Variants in CLASP1 observed in about 807,000 individuals in gnomAD.
CLASP1 encodes cytoplasmic linker associated protein 1.
A neutral mutation model predicts 192.3 loss-of-function variants in CLASP1; 38 were observed. The ratio of observed to expected loss-of-function variants is 0.20; its 90% CI spans 0.15 to 0.26. The LOEUF (loss-of-function observed/expected upper bound fraction) is 0.26. Among genes scored for constraint, CLASP1 ranks in the 10% least tolerant of loss-of-function variants. The pLI is 1.00. For missense variants in CLASP1, 1,433 were observed against 1,932.5 expected, an observed-to-expected ratio of 0.74 and a Z score of 4.85; for synonymous variants, 691 against 712.8, an observed-to-expected ratio of 0.97 and a Z score of 0.49.
chr2:121,406,099 A>G (rs1309811525), intron 25 of CLASP1, among the ~76,000 whole-genome samples: 2 of 152,224 alleles, frequency 1.3e-5, no homozygotes, highest in Admixed American at 1.3e-4. Context: ...CATCTCTGTA[A>G]TTGAGTCATC....
At chr2:121,470,935 G>C (rs557085501) in intron 8 of CLASP1, among the ~76,000 whole-genome samples, 2 of 151,688 alleles carry the variant, frequency 1.3e-5, no homozygotes, top group East Asian at 3.9e-4. Flanking sequence ...CATTTTTTTC[G>C]TAAGTTCATT....
chr2:121,343,600 G>A (rs2149091831), intron 39 of CLASP1, among the ~76,000 whole-genome samples: 1 of 152,328 alleles, frequency 6.6e-6, no homozygotes, highest in South Asian at 2.1e-4. Context: ...ACTTATATGA[G>A]ACACCTGGGG....
intron 7 of CLASP1, among the ~76,000 whole-genome samples, chr2:121,504,388 T>C (rs546472208): frequency 1.6e-4 from 25 of 152,326 alleles, no homozygotes; most frequent in South Asian, 1.4e-3. Context: ...TCATTTCAAA[T>C]ATGTTTGCCT....
intron 21 of CLASP1, 125 bp downstream of exon 21, chr2:121,427,279 A>G: frequency 8.2e-7 from 1 of 1,225,088 alleles, no homozygotes; most frequent in Non-Finnish European, 1.1e-6. Flanking sequence ...AACACAAAGA[A>G]AAACGCAGAA....
intron 8 of CLASP1, among the ~76,000 whole-genome samples, chr2:121,492,985 T>C (rs981665122): frequency 6.6e-6 from 1 of 152,186 alleles, no homozygotes; most frequent in Non-Finnish European, 1.5e-5. Flanking sequence ...AATAACTGAA[T>C]TATACACTTG....
At chr2:121,510,086 C>T (rs1170641406) in intron 7 of CLASP1, among the ~76,000 whole-genome samples, 2 of 152,118 alleles carry the variant, frequency 1.3e-5, no homozygotes, top group African/African-American at 4.8e-5. Flanking sequence ...TAAAGCAGTA[C>T]TTAGAAATTC....
chr2:121,412,103 C>T (rs1382537580), intron 23 of CLASP1, among the ~76,000 whole-genome samples: 2 of 152,242 alleles, frequency 1.3e-5, no homozygotes, highest in Non-Finnish European at 2.9e-5. Context: ...TGCAACAAGA[C>T]AGTGCCTACA....
intron 34 of CLASP1, among the ~76,000 whole-genome samples, chr2:121,373,288 T>C (rs11890148): frequency 0.01 from 1,574 of 152,282 alleles, 29 homozygotes; most frequent in African/African-American, 0.035. Flanking sequence ...TCTGCCATGA[T>C]TGTAAGTTTC....
chr2:121,587,227 C>T (rs145196729), intron 2 of CLASP1, among the ~76,000 whole-genome samples: 2 of 151,142 alleles, frequency 1.3e-5, no homozygotes, highest in African/African-American at 4.9e-5. Flanking sequence ...GGCAACGCGG[C>T]GAGACTCTGT....
chr2:121,435,356 CCT>C (rs1364580544), intron 19 of CLASP1, among the ~76,000 whole-genome samples: 1 of 152,122 alleles, frequency 6.6e-6, no homozygotes, highest in Non-Finnish European at 1.5e-5. Flanking sequence ...CTCACTGCAA[CCT>C]CTGTGTCCCG....
At chr2:121,349,307 A>G (rs2063925301) in intron 37 of CLASP1, among the ~76,000 whole-genome samples, 1 of 152,154 alleles carries the variant, frequency 6.6e-6, no homozygotes, top group Non-Finnish European at 1.5e-5. Flanking sequence ...CAGCCCCAGC[A>G]GCAGTGCTGG....
intron 32 of CLASP1, among the ~76,000 whole-genome samples, chr2:121,385,655 T>C (rs988429616): frequency 6.6e-6 from 1 of 152,226 alleles, no homozygotes; most frequent in African/African-American, 2.4e-5. Context: ...CTAAAGAATG[T>C]GCCACCCTAA....
At chr2:121,443,513 C>A (rs1453833354) in intron 19 of CLASP1, among the ~76,000 whole-genome samples, 3 of 152,186 alleles carry the variant, frequency 2.0e-5, no homozygotes, top group African/African-American at 7.2e-5. Context: ...CATAAAATTA[C>A]CCATATCAGC....
intron 7 of CLASP1, among the ~76,000 whole-genome samples, chr2:121,506,355 C>G (rs1575533732): frequency 6.6e-6 from 1 of 152,208 alleles, no homozygotes; most frequent in Admixed American, 6.5e-5. Flanking sequence ...TTTATCTGAC[C>G]TGACTTAGAG....
chr2:121,513,883 T>C (rs947426257), intron 7 of CLASP1, among the ~76,000 whole-genome samples: 3 of 152,200 alleles, frequency 2.0e-5, no homozygotes, highest in African/African-American at 7.2e-5. Context: ...ACCCTCTGCC[T>C]GGCACTTAAC....
chr2:121,484,444 C>G (rs1433691545), intron 8 of CLASP1, among the ~76,000 whole-genome samples: 2 of 152,186 alleles, frequency 1.3e-5, no homozygotes, highest in Non-Finnish European at 1.5e-5. Context: ...CAACAAACAT[C>G]CCATGGTCCC....
At chr2:121,530,830 C>T in intron 2 of CLASP1, 1 of 658,936 alleles carries the variant, frequency 1.5e-6, no homozygotes, top group Non-Finnish European at 2.8e-6. Context: ...TTACCACAAC[C>T]CTACCAGGTA....
intron 39 of CLASP1, among the ~76,000 whole-genome samples, chr2:121,342,632 CAAAATAGAGAACAGA>C (rs2062921833): frequency 6.6e-6 from 1 of 151,970 alleles, no homozygotes; most frequent in South Asian, 2.1e-4. Flanking sequence ...CAGAGATAAA[CAAAATAGAGAACAGA>C]AAAATAGAGA....
intron 6 of CLASP1, among the ~76,000 whole-genome samples, chr2:121,525,404 C>G (rs911148190): frequency 1.3e-5 from 2 of 152,150 alleles, no homozygotes; most frequent in African/African-American, 2.4e-5. Flanking sequence ...GGAGCCACCC[C>G]CCAAAGCAAA....
Sources: gnomAD v4.1 joint callset for allele counts (sites outside exome capture counted in the v4.1 genomes callset) on GRCh38, gnomAD v4.1.1 for gene constraint, MANE v1.5 for transcripts, NCBI Gene and HGNC (gene_info 2026-07-23, HGNC 2026-07-21) for gene names.